The following ERCC4 variants were observed in gnomAD, a reference collection of about 807,000 sequenced individuals.
ERCC4 encodes the protein ERCC excision repair 4, endonuclease catalytic subunit, also known as DNA repair endonuclease XPF.
A neutral mutation model predicts 76.9 loss-of-function variants in ERCC4; 65 were observed. That is an observed-to-expected ratio of 0.84 (90% CI 0.69 to 1.04). The LOEUF (loss-of-function observed/expected upper bound fraction) is 1.04, where lower values mean the gene tolerates loss of function less well. ERCC4 is among the 50% of genes least tolerant of loss of function. The probability of loss-of-function intolerance (pLI) is 0.00; values close to 1 mark genes in which losing one functional copy is unlikely to be tolerated. For synonymous variants in ERCC4, 463 were observed against 410.1 expected, an observed-to-expected ratio of 1.13 and a Z score of -1.56; for missense variants, 1,214 against 1,128.2, an observed-to-expected ratio of 1.08 and a Z score of -1.09.
intron 2 of ERCC4, chr16:13,922,480 A>G: frequency 2.7e-6 from 2 of 754,518 alleles, no homozygotes; most frequent in Admixed American, 1.7e-5. Context: ...CTTCACATAC[A>G]TCTTGGGAAG....
In ERCC4 at chr16:13,935,172, G is replaced by T; in HGVS notation, c.1240G>T (p.Asp414Tyr). ...TCAAGTACTGATTTGTGCAAGTGAT[G>T]ACCGAACATGTTCCCAGCTGAGAGA... ...PGQVLICASD[D>Y]RTCSQLRDYI... The change falls in exon 8 of 11, where the codon GAC becomes TAC. Residue 414 changes from aspartate to tyrosine, a missense_variant. Physicochemically the swap from Asp to Tyr is radical, Grantham distance 160. Coordinates refer to ENST00000311895, the MANE Select transcript of ERCC4 (RefSeq NM_005236.3). The T allele has an allele frequency of 6.2e-7, 1 of 1,613,962 alleles. No homozygotes were observed. The highest frequency in any genetic ancestry group is 1.1e-5 in the South Asian group (1 of 91,046).
At chr16:13,929,464 A>AT (rs1220537116) in intron 4 of ERCC4, among the ~76,000 whole-genome samples, 1 of 152,220 alleles carries the variant, frequency 6.6e-6, no homozygotes, top group African/African-American at 2.4e-5. Flanking sequence ...CCTGCTCATT[A>AT]TTAAATTTGT....
intron 1 of ERCC4, among the ~76,000 whole-genome samples, chr16:13,921,074 G>T (rs1424518956): frequency 6.6e-6 from 1 of 152,138 alleles, no homozygotes; most frequent in Non-Finnish European, 1.5e-5. Flanking sequence ...GAGTTTCTGG[G>T]GGCAGAAGGA....
rs765513788 is a variant in ERCC4, at chr16:13,935,151, G to T, written c.1219G>T (p.Val407Leu). The change falls in exon 8 of 11, where the codon GTA becomes TTA. Residue 407 changes from valine (V) to leucine (L), a missense_variant. Transcript: ENST00000311895. ...ESEALGGPGQ[V>L]LICASDDRTC... ...ATGTTGTTTTCTATTTTCAGGTCAA[G>T]TACTGATTTGTGCAAGTGATGACCG... 2 of 1,611,554 alleles carry T rather than the reference G, an allele frequency of 1.2e-6. No individual in the cohort carries two copies. Among genetic ancestry groups the T allele is most frequent in the Admixed American group, 1.7e-5 (1 of 60,006 alleles).
At chr16:13,923,524 C>T (rs3136064) in intron 2 of ERCC4, among the ~76,000 whole-genome samples, 49,070 of 151,976 alleles carry the variant, frequency 0.32, 8,091 homozygotes, top group Middle Eastern at 0.41. Flanking sequence ...GGTAAACCGA[C>T]TGAAGAAGTT....
chr16:13,934,516 G>A lies in ERCC4; in HGVS notation c.1213+214G>A, dbSNP rs74009237. 3.1e-3 allele frequency: 1,618 copies of A among 524,878 alleles called. 18 individuals are homozygous for A. The highest frequency in any genetic ancestry group is 0.014 in the African/African-American group (711 of 52,400). The allele number at this position is 524,878 out of a possible 1,614,324, so 32.5% of individuals were successfully genotyped here. A position where few individuals can be genotyped will look rare whatever the true frequency, so the allele number is the denominator to read the frequency against. ...GTGGCAACCTCATTTCTGTTCGTTT[G>A]ATGTTGTTTTCTCCAGGTTGAATCA... On this transcript the variant is annotated intron_variant, in intron 7 of 10. Coordinates refer to ENST00000311895, the MANE Select transcript of ERCC4 (RefSeq NM_005236.3).
In ERCC4 at chr16:13,930,711, C is replaced by T. The variant is rs1265753536; in HGVS notation, c.794C>T (p.Thr265Ile). The change falls in exon 5 of 11, where the codon ACA (threonine) becomes ATA (isoleucine). Residue 265 changes from threonine (T) to isoleucine (I), a missense_variant and splice_region_variant. Physicochemically the swap from Thr to Ile is moderately conservative, Grantham distance 89. Transcript: ENST00000311895. ...ENAIGKPFDKTIRHYLDPLWH... is the reference protein window; with the variant it reads ...ENAIGKPFDKIIRHYLDPLWH... ...TACCAAATTTTATTCTTGTTTTAGA[C>T]AATCCGCCATTATCTGGATCCTTTG... 5 of 1,611,786 alleles carry T rather than the reference C, an allele frequency of 3.1e-6. No homozygotes were observed. In the East Asian group the frequency reaches 8.9e-5, roughly 29 times the overall value.
intron 6 of ERCC4, 108 bp from the exon 7 acceptor site, chr16:13,934,084 A>G: frequency 1.5e-6 from 1 of 676,684 alleles, no homozygotes; most frequent in South Asian, 1.7e-5. Context: ...AGCTTAAATA[A>G]ATGGGCATAT....
intron 7 of ERCC4, 120 bp downstream of exon 7, chr16:13,934,422 A>G (rs1323125490): frequency 1.9e-5 from 14 of 742,088 alleles, no homozygotes; most frequent in Non-Finnish European, 3.4e-5. Flanking sequence ...CCCTGTCTCT[A>G]TTTTAAAACA....
In ERCC4 at chr16:13,924,460, C is replaced by T. The variant is rs552376255; in HGVS notation, c.389-2101C>T. ...TCAGTTACACTTTTGATTTGTGTAC[C>T]CAGTGCTGTGCCTCCACTTTATATT... On this transcript the variant is annotated intron_variant, in intron 2 of 10. Coordinates refer to ENST00000311895, the MANE Select transcript of ERCC4 (RefSeq NM_005236.3). Among the ~76,000 whole-genome samples the T allele has an allele frequency of 1.8e-4, 27 of 152,188 alleles. 1 individual carries two copies. In the Middle Eastern group the frequency reaches 0.01, roughly 58 times the overall value.
intron 2 of ERCC4, among the ~76,000 whole-genome samples, chr16:13,924,864 T>G (rs1743040783): frequency 6.6e-6 from 1 of 152,184 alleles, no homozygotes; most frequent in African/African-American, 2.4e-5. Context: ...AAAGAAGTAG[T>G]TATAGTACAG....
chr16:13,928,242 T>G lies in ERCC4; in HGVS notation c.792+7T>G. Reference sequence around the variant, plus strand: ...TGGAAAACCTTTTGACAAGGTACTCTTTTTCCTTTTAAGCACAGTTTATTA... The same window carrying G: ...TGGAAAACCTTTTGACAAGGTACTCGTTTTCCTTTTAAGCACAGTTTATTA... On this transcript the variant is annotated splice_region_variant and intron_variant, in intron 4 of 10. Coordinates refer to ENST00000311895, the MANE Select transcript of ERCC4 (RefSeq NM_005236.3). The G allele has an allele frequency of 6.4e-7, 1 of 1,572,842 alleles. No individual in the cohort carries two copies. Among genetic ancestry groups the G allele is most frequent in the Non-Finnish European group, 8.7e-7 (1 of 1,143,498 alleles).
chr16:13,927,750 T>C (rs1455751154), intron 3 of ERCC4: 1 of 435,704 alleles, frequency 2.3e-6, no homozygotes, highest in Non-Finnish European at 4.3e-6. Flanking sequence ...CTTACATAAG[T>C]AATGGTGTGA....
chr16:13,925,884 C>T (rs2032063051), intron 2 of ERCC4, among the ~76,000 whole-genome samples: 1 of 152,226 alleles, frequency 6.6e-6, no homozygotes, highest in Non-Finnish European at 1.5e-5. Context: ...TCATAAATAA[C>T]AAAGCATGTA....
chr16:13,931,277 G>A (rs759277584), intron 5 of ERCC4: 7 of 225,602 alleles, frequency 3.1e-5, no homozygotes, highest in East Asian at 1.1e-4. Context: ...GCCAAAGACT[G>A]AAGAGCAGAA....
In ERCC4 at chr16:13,935,526, G is replaced by A. The variant is rs1485867164; in HGVS notation, c.1594G>A (p.Glu532Lys). 2.5e-6 allele frequency: 4 copies of A among 1,614,188 alleles called. No individual in the cohort carries two copies. Among genetic ancestry groups the A allele is most frequent in the South Asian group, 2.2e-5 (2 of 91,086 alleles). The change falls in exon 8 of 11, where the codon GAA (glutamate) becomes AAA (lysine). Residue 532 changes from glutamate to lysine, a missense_variant. Physicochemically the swap from Glu to Lys is moderately conservative, Grantham distance 56. Transcript: ENST00000311895. The part of the protein sequence containing the change: ...PESCPEEIKH[E>K]EFDVNLSSDA... ...AAGCTGCCCGGAAGAAATTAAGCAT[G>A]AAGAATTTGATGTAAATTTGTCATC...
At chr16:13,932,084 C>T in intron 5 of ERCC4, 73 bp from the exon 6 acceptor site, 3 of 1,289,686 alleles carry the variant, frequency 2.3e-6, no homozygotes, top group Non-Finnish European at 3.4e-6. Context: ...GTATGTAGGT[C>T]ATGTGACCAT....
intron 9 of ERCC4, among the ~76,000 whole-genome samples, chr16:13,943,048 G>A (rs1050023593): frequency 6.6e-6 from 1 of 152,188 alleles, no homozygotes; most frequent in Non-Finnish European, 1.5e-5. Flanking sequence ...TGAAACCATT[G>A]TCTGCCCCCT....
Position 13,920,363 on chromosome 16 carries a change from G to C in ERCC4, c.198G>C (p.Pro66=). ...ACLVLVLNTQ[P]AEEEYFINQL... ...TGGTGCTGGTGCTCAACACGCAGCC[G>C]GCCGAGGAGGTGCGGCCGCGCTGGC... Residue 66 remains proline, a synonymous_variant, in exon 1 of 11, where the codon CCG becomes CCC. Transcript: ENST00000311895. 6.3e-7 allele frequency: 1 copy of C among 1,579,358 alleles called. No individual in the cohort carries two copies. The highest frequency in any genetic ancestry group is 8.5e-7 in the Non-Finnish European group (1 of 1,170,050).
Sources: gnomAD v4.1 joint callset for allele counts (sites outside exome capture counted in the v4.1 genomes callset) on GRCh38, gnomAD v4.1.1 for gene constraint, MANE v1.5 for transcripts, NCBI Gene and HGNC (gene_info 2026-07-23, HGNC 2026-07-21) for gene names.